Variants in NCOA2 observed in about 807,000 individuals in gnomAD.
The protein encoded by NCOA2 is nuclear receptor coactivator 2.
Under a neutral mutation model 145.1 loss-of-function variants are expected in NCOA2, and 21 were observed. The ratio of observed to expected loss-of-function variants is 0.14; its 90% CI spans 0.10 to 0.21. The LOEUF is 0.21. Among genes scored for constraint, NCOA2 ranks in the 10% least tolerant of loss-of-function variants. The probability of loss-of-function intolerance (pLI) is 1.00; values close to 1 mark genes in which losing one functional copy is unlikely to be tolerated. For missense variants in NCOA2, 1,472 were observed against 1,837.6 expected, an observed-to-expected ratio of 0.80 and a Z score of 3.64; for synonymous variants, 619 against 637.5, an observed-to-expected ratio of 0.97 and a Z score of 0.44.
At chr8:70,311,087 T>C (rs58939021) in intron 1 of NCOA2, among the ~76,000 whole-genome samples, 5,153 of 152,248 alleles carry the variant, frequency 0.034, 322 homozygotes, top group African/African-American at 0.12. Context: ...TTCTCAGCAA[T>C]TGTCTGTTGA....
chr8:70,305,176 C>A (rs900442496), intron 1 of NCOA2, among the ~76,000 whole-genome samples: 12 of 151,610 alleles, frequency 7.9e-5, no homozygotes, highest in Non-Finnish European at 1.6e-4. Context: ...CGTGACCCAC[C>A]ACCCCAGCCA....
chr8:70,257,131 A>T (rs1823701051), intron 2 of NCOA2, among the ~76,000 whole-genome samples: 1 of 152,218 alleles, frequency 6.6e-6, no homozygotes, highest in African/African-American at 2.4e-5. Flanking sequence ...ATTGGGGCCA[A>T]ATTAGTAAGA....
intron 12 of NCOA2, among the ~76,000 whole-genome samples, chr8:70,147,121 CGCGCGCGTGTGT>C (rs983531629): frequency 1.3e-5 from 2 of 150,718 alleles, no homozygotes; most frequent in African/African-American, 4.9e-5. Flanking sequence ...CGCGCGCGCG[CGCGCGCGTGTGT>C]GTGTGTGTGT....
At chr8:70,253,498 G>A (rs1417433806) in intron 2 of NCOA2, among the ~76,000 whole-genome samples, 2 of 152,106 alleles carry the variant, frequency 1.3e-5, no homozygotes, top group African/African-American at 4.8e-5. Context: ...TAGTTAGGAA[G>A]TGTGCAATAT....
chr8:70,132,547 T>A (rs1237260021), intron 15 of NCOA2, among the ~76,000 whole-genome samples: 1 of 152,192 alleles, frequency 6.6e-6, no homozygotes, highest in East Asian at 1.9e-4. Flanking sequence ...TTCTTAGTCA[T>A]GCACAAGCAG....
intron 2 of NCOA2, among the ~76,000 whole-genome samples, chr8:70,239,752 T>C (rs1363410046): frequency 2.0e-5 from 3 of 152,104 alleles, no homozygotes; most frequent in African/African-American, 4.8e-5. Context: ...AGAGAGAGAA[T>C]TGTTCAGTGA....
chr8:70,190,717 G>A (rs943623688), intron 4 of NCOA2, among the ~76,000 whole-genome samples: 16 of 152,094 alleles, frequency 1.1e-4, no homozygotes, highest in African/African-American at 2.2e-4. Flanking sequence ...TTAGCTGGGC[G>A]TGGTGGTAGA....
At chr8:70,139,052 C>G (rs1810071044) in intron 14 of NCOA2, among the ~76,000 whole-genome samples, 1 of 152,250 alleles carries the variant, frequency 6.6e-6, no homozygotes, top group Admixed American at 6.5e-5. Context: ...AACTGTACTT[C>G]AGCTGGCTCC....
intron 2 of NCOA2, among the ~76,000 whole-genome samples, chr8:70,252,270 C>T (rs1395178177): frequency 2.0e-5 from 3 of 152,150 alleles, no homozygotes; most frequent in Admixed American, 2.0e-4. Context: ...GAAGATCATA[C>T]TACTTAAGTA....
chr8:70,143,343 T>C (rs781468845), intron 13 of NCOA2, among the ~76,000 whole-genome samples: 11 of 152,230 alleles, frequency 7.2e-5, no homozygotes, highest in Non-Finnish European at 1.3e-4. Context: ...AATACAGGCC[T>C]ATTCTCAAAT....
chr8:70,131,717 TA>T (rs200661304), intron 16 of NCOA2, 119 bp downstream of exon 16: 27 of 1,079,240 alleles, frequency 2.5e-5, no homozygotes, highest in Non-Finnish European at 3.1e-5. Flanking sequence ...TGTTTTGAGG[TA>T]AAAAAAACAA....
chr8:70,273,698 C>A, intron 2 of NCOA2: 1 of 642,870 alleles, frequency 1.6e-6, no homozygotes, highest in South Asian at 1.4e-5. Context: ...TGCAGGCAGT[C>A]TGACTAGTTT....
In NCOA2 at chr8:70,111,044, CAG is replaced by C. The variant is rs1162426234; in HGVS notation, c.*2586_*2587del. 4.5e-6 allele frequency: 1 copy of C among 222,534 alleles called. No individual in the cohort carries two copies. The allele number at this position is 222,534 out of a possible 1,614,324, so 13.8% of individuals were successfully genotyped here. ...TTGCTTCTATAGTGATCAATATGAT[CAG>C]AGGATTCCTTCACTTACTTTTCTTC... On this transcript the variant is annotated 3_prime_UTR_variant, in exon 23 of 23. Transcript: ENST00000452400.
chr8:70,280,479 T>C (rs780369699), intron 2 of NCOA2, among the ~76,000 whole-genome samples: 13 of 152,220 alleles, frequency 8.5e-5, no homozygotes, highest in Non-Finnish European at 1.8e-4. Flanking sequence ...TTGTATAGAA[T>C]TCTTCCAAAT....
At chr8:70,398,344 A>G (rs1414770833) in intron 1 of NCOA2, among the ~76,000 whole-genome samples, 1 of 152,194 alleles carries the variant, frequency 6.6e-6, no homozygotes, top group Non-Finnish European at 1.5e-5. Flanking sequence ...CTGTAGTCCC[A>G]ACTACTTGGG....
At chr8:70,312,461 T>C (rs1010715122) in intron 1 of NCOA2, among the ~76,000 whole-genome samples, 2 of 152,210 alleles carry the variant, frequency 1.3e-5, no homozygotes, top group Non-Finnish European at 2.9e-5. Flanking sequence ...ATAATGCACA[T>C]AAGGTCTTTA....
chr8:70,152,229 C>CT (rs763647310), intron 11 of NCOA2, among the ~76,000 whole-genome samples: 23 of 152,152 alleles, frequency 1.5e-4, no homozygotes, highest in Non-Finnish European at 2.9e-4. Flanking sequence ...GAAAATCAGA[C>CT]TTGATTTCTT....
intron 2 of NCOA2, among the ~76,000 whole-genome samples, chr8:70,242,310 A>T (rs1210190698): frequency 6.6e-6 from 1 of 152,142 alleles, no homozygotes; most frequent in Non-Finnish European, 1.5e-5. Context: ...GTTTCTTATA[A>T]AATCTTTAAT....
intron 2 of NCOA2, among the ~76,000 whole-genome samples, chr8:70,218,749 A>G (rs189315850): frequency 2.4e-4 from 37 of 152,354 alleles, no homozygotes; most frequent in Non-Finnish European, 4.3e-4. Flanking sequence ...CAAATGACCT[A>G]GGAGATTTTC....
Sources: gnomAD v4.1 joint callset for allele counts (sites outside exome capture counted in the v4.1 genomes callset) on GRCh38, gnomAD v4.1.1 for gene constraint, MANE v1.5 for transcripts, NCBI Gene and HGNC (gene_info 2026-07-23, HGNC 2026-07-21) for gene names.